Variants in VPS8 observed in about 807,000 individuals in gnomAD.
The protein encoded by VPS8 is VPS8 subunit of CORVET complex.
In VPS8, 129 loss-of-function variants were observed where a neutral mutation model predicts 216.4. The observed-to-expected ratio is 0.60, with a 90% CI of 0.52 to 0.69. The LOEUF (loss-of-function observed/expected upper bound fraction) is 0.69, where lower values mean the gene tolerates loss of function less well. Ranked by LOEUF, VPS8 falls within the 30% of genes least tolerant of loss-of-function variation. The pLI is 0.00. For synonymous variants in VPS8, 571 were observed against 565.4 expected, an observed-to-expected ratio of 1.01 and a Z score of -0.14; for missense variants, 1,531 against 1,683.5, an observed-to-expected ratio of 0.91 and a Z score of 1.59.
At chr3:184,988,291 A>G (rs923674352) in intron 42 of VPS8, among the ~76,000 whole-genome samples, 2 of 152,058 alleles carry the variant, frequency 1.3e-5, no homozygotes, top group African/African-American at 4.8e-5. Flanking sequence ...AAAGTTTTGT[A>G]TTTTTGCATT....
chr3:185,051,382 T>A (rs1384605724), intron 47 of VPS8, among the ~76,000 whole-genome samples: 2 of 152,068 alleles, frequency 1.3e-5, no homozygotes, highest in Non-Finnish European at 2.9e-5. Context: ...GGTGTCTGTT[T>A]GAGGCCTTCC....
rs867034681 is a variant in VPS8 at position 184,929,498 on chromosome 3, C to A, written c.2715-82C>A. ...AGCCAGGACACCTGGCCCACTTTTC[C>A]TAATACTAACCTGTGTGCCAGAGCA... On this transcript the variant is annotated intron_variant, in intron 32 of 47. Coordinates refer to ENST00000625842, the MANE Select transcript of VPS8 (RefSeq NM_001009921.3). 6.9e-5 allele frequency: 56 copies of A among 810,142 alleles called. No individual in the cohort carries two copies. In the African/African-American group the frequency reaches 8.5e-4, roughly 12 times the overall value. 50.2% of individuals were successfully genotyped at this position (810,142 alleles called of 1,614,324 possible). A position where few individuals can be genotyped will look rare whatever the true frequency, so the allele number is the denominator to read the frequency against.
At chr3:184,929,121 G>A (rs1050226989) in intron 32 of VPS8, among the ~76,000 whole-genome samples, 6 of 151,906 alleles carry the variant, frequency 3.9e-5, no homozygotes, top group Non-Finnish European at 8.8e-5. Context: ...AAAGGTTAAC[G>A]GCAAATACTC....
chr3:184,829,437 A>G (rs1719523888), intron 3 of VPS8, among the ~76,000 whole-genome samples: 1 of 152,146 alleles, frequency 6.6e-6, no homozygotes, highest in African/African-American at 2.4e-5. Context: ...GCTGGTCTCG[A>G]ACTCCTGACC....
intron 9 of VPS8, 190 bp from the exon 10 acceptor site, chr3:184,849,746 G>A (rs914852666): frequency 3.0e-5 from 17 of 572,774 alleles, no homozygotes; most frequent in Admixed American, 2.0e-4. Context: ...GCAGGATGAA[G>A]GGTAAATGAA....
chr3:185,024,483 A>G (rs1420488002), intron 46 of VPS8, 94 bp downstream of exon 46: 1 of 1,308,858 alleles, frequency 7.6e-7, no homozygotes, highest in Non-Finnish European at 1.1e-6. Flanking sequence ...ATGATTTTTA[A>G]TCATCTTAAT....
chr3:184,872,468 G>A (rs772146383), intron 21 of VPS8, among the ~76,000 whole-genome samples: 2 of 152,052 alleles, frequency 1.3e-5, no homozygotes, highest in African/African-American at 2.4e-5. Context: ...GATGCTGACT[G>A]CAGAACGTAC....
chr3:184,819,475 A>C lies in VPS8; in HGVS notation c.-88-5070A>C, dbSNP rs992099446. On this transcript the variant is annotated intron_variant, in intron 1 of 47. Coordinates refer to ENST00000625842, the MANE Select transcript of VPS8 (RefSeq NM_001009921.3). ...AGGAATTTATGAGTGGTTCATTATC[A>C]ACCTTTTACTGGGATAACATTTAAG... Among the ~76,000 whole-genome samples the C allele has an allele frequency of 2.0e-5, 3 of 152,346 alleles. 1 individual carries two copies. The highest frequency in any genetic ancestry group is 4.1e-4 in the South Asian group (2 of 4,832).
At chr3:184,822,709 A>C (rs1211215983) in intron 1 of VPS8, among the ~76,000 whole-genome samples, 3 of 152,234 alleles carry the variant, frequency 2.0e-5, no homozygotes, top group Non-Finnish European at 4.4e-5. Flanking sequence ...TAGGAGTTGA[A>C]AGACTTTATT....
In VPS8 at chr3:184,999,764, C is replaced by T; in HGVS notation, c.3905C>T (p.Thr1302Ile). The part of the protein sequence containing the change: ...KECTVEFEGQ[T>I]RWTCYKCSSS... Reference sequence around the variant, plus strand: ...TGCACTGTGGAATTTGAGGGCCAAACAAGATGGACATGCTACAAATGCAGT... The same window carrying T: ...TGCACTGTGGAATTTGAGGGCCAAATAAGATGGACATGCTACAAATGCAGT... Residue 1302 changes from threonine (T) to isoleucine (I), a missense_variant, in exon 45 of 48, where the codon ACA (threonine) becomes ATA (isoleucine). Thr to Ile is a moderately conservative substitution (Grantham distance 89). Around this residue, in one of 3 missense-constraint regions of VPS8, gnomAD observed 1,318 missense variants for 1,468.4 expected, o/e 0.90. Transcript: ENST00000625842. 3 of 1,613,234 alleles carry T rather than the reference C, an allele frequency of 1.9e-6. No individual in the cohort carries two copies. The highest frequency in any genetic ancestry group is 1.7e-6 in the Non-Finnish European group (2 of 1,179,618).
chr3:184,867,972 AAAG>A, intron 17 of VPS8, 49 bp from the exon 18 acceptor site: 1 of 1,595,186 alleles, frequency 6.3e-7, no homozygotes, highest in South Asian at 1.1e-5. Flanking sequence ...TGTATCTCCC[AAAG>A]AAGTCTGTTA....
chr3:184,849,200 GAT>G lies in VPS8; in HGVS notation c.666+8_666+9del. 6.2e-7 allele frequency: 1 copy of G among 1,610,654 alleles called. No individual in the cohort carries two copies. Among genetic ancestry groups the G allele is most frequent in the Non-Finnish European group, 8.5e-7 (1 of 1,178,522 alleles). ...TGTGGCTTTGCTAAAGGACAGGTAA[GAT>G]ATGAACCTCCTTTAATTCATAAGAC... On this transcript the variant is annotated splice_donor_region_variant and intron_variant, in intron 9 of 47. Coordinates refer to ENST00000625842, the MANE Select transcript of VPS8 (RefSeq NM_001009921.3).
intron 45 of VPS8, among the ~76,000 whole-genome samples, chr3:185,012,028 T>G (rs567940366): frequency 1.1e-4 from 17 of 152,174 alleles, no homozygotes; most frequent in Non-Finnish European, 2.4e-4. Flanking sequence ...AGTGAAAATT[T>G]TATTAGATGT....
At chr3:185,045,986 C>T (rs550079321) in intron 46 of VPS8, among the ~76,000 whole-genome samples, 56 of 152,314 alleles carry the variant, frequency 3.7e-4, no homozygotes, top group African/African-American at 1.3e-3. Flanking sequence ...CTGAGTACTA[C>T]AAGGTCATTT....
chr3:184,822,027 A>T (rs1717708232), intron 1 of VPS8, among the ~76,000 whole-genome samples: 1 of 152,130 alleles, frequency 6.6e-6, no homozygotes, highest in South Asian at 2.1e-4. Flanking sequence ...CAAACAACAC[A>T]AATGTCCACA....
At chr3:185,028,249 C>T (rs1011396970) in intron 46 of VPS8, among the ~76,000 whole-genome samples, 1 of 152,180 alleles carries the variant, frequency 6.6e-6, no homozygotes, top group Admixed American at 6.5e-5. Context: ...TACTTGAAAA[C>T]ATGTATCACA....
rs1718358132 is a variant in VPS8, at chr3:184,824,794, T to G, written c.153+9T>G. ...AGTTCAAAAATGATCTGGTAAAAAT[T>G]TCAATTTCTGTCAAGTGATAATGTT... On this transcript the variant is annotated intron_variant, in intron 2 of 47. Coordinates refer to ENST00000625842, the MANE Select transcript of VPS8 (RefSeq NM_001009921.3). 1 of 1,597,390 alleles carries G rather than the reference T, an allele frequency of 6.3e-7. No homozygotes were observed. Among genetic ancestry groups the G allele is most frequent in the Non-Finnish European group, 8.5e-7 (1 of 1,170,928 alleles).
At chr3:184,848,915 C>G (rs1262768396) in intron 8 of VPS8, 156 bp from the exon 9 acceptor site, 1 of 724,644 alleles carries the variant, frequency 1.4e-6, no homozygotes, top group Non-Finnish European at 2.2e-6. Flanking sequence ...CCAGCATCTG[C>G]TAGTTGCTCA....
chr3:184,918,426 T>G (rs1737995030), intron 28 of VPS8, among the ~76,000 whole-genome samples: 1 of 152,266 alleles, frequency 6.6e-6, no homozygotes, highest in African/African-American at 2.4e-5. Flanking sequence ...CTTTGCATAT[T>G]ATTCCTCTAG....
Sources: allele counts gnomAD v4.1 joint callset (sites outside exome capture counted in the v4.1 genomes callset), GRCh38; gene constraint gnomAD v4.1.1; regional missense constraint gnomAD v4.1.1; transcripts MANE v1.5; gene names NCBI Gene and HGNC (gene_info 2026-07-23, HGNC 2026-07-21).